KRT78: variants seen among roughly 807,000 people sequenced by gnomAD.
KRT78 encodes keratin, type II cytoskeletal 78.
KRT78 carries 55 observed loss-of-function variants against 51.4 expected under a neutral mutation model. That is an observed-to-expected ratio of 1.07 (90% CI 0.86 to 1.34). The LOEUF (loss-of-function observed/expected upper bound fraction) is 1.34, where lower values mean the gene tolerates loss of function less well. Among genes scored for constraint, KRT78 ranks in the 40% most tolerant of loss-of-function variants. The probability of loss-of-function intolerance (pLI) is 0.00; values close to 1 mark genes in which losing one functional copy is unlikely to be tolerated. For synonymous variants in KRT78, 291 were observed against 264.3 expected, an observed-to-expected ratio of 1.10 and a Z score of -0.98; for missense variants, 652 against 649.4, an observed-to-expected ratio of 1.00 and a Z score of -0.04.
chr12:52,838,600 G>C lies in KRT78; in HGVS notation c.*513C>G, dbSNP rs1940400041. 1 of 166,240 alleles carries C rather than the reference G, an allele frequency of 6.0e-6. No homozygotes were observed. Among genetic ancestry groups the C allele is most frequent in the Admixed American group, 5.6e-5 (1 of 17,962 alleles). 10.3% of individuals were successfully genotyped at this position (166,240 alleles called of 1,614,324 possible). On this transcript the variant is annotated 3_prime_UTR_variant, in exon 9 of 9. Coordinates refer to ENST00000304620, the MANE Select transcript of KRT78 (RefSeq NM_173352.4). Reference sequence around the variant, plus strand: ...GGAAGGGCCCAGTAGTTTAGACATGGGAATTAGAGAAGGTTCCTAAAAGGA... The same window carrying C: ...GGAAGGGCCCAGTAGTTTAGACATGCGAATTAGAGAAGGTTCCTAAAAGGA...
intron 7 of KRT78, 73 bp from the exon 8 acceptor site, chr12:52,839,560 C>A (rs1940432516): frequency 1.4e-6 from 2 of 1,449,214 alleles, no homozygotes; most frequent in African/African-American, 1.4e-5. Flanking sequence ...AGCTTTTAAG[C>A]CCCTCAAAGC....
At chr12:52,847,774 G>A (rs1188480639) in intron 2 of KRT78, 133 bp downstream of exon 2, 11 of 703,092 alleles carry the variant, frequency 1.6e-5, no homozygotes, top group South Asian at 7.1e-5. Flanking sequence ...GAATGGGGAC[G>A]CGGAGGGGTA....
intron 6 of KRT78, 103 bp from the exon 7 acceptor site, chr12:52,840,087 T>C: frequency 1.3e-6 from 1 of 766,838 alleles, no homozygotes; most frequent in Non-Finnish European, 2.1e-6. Flanking sequence ...CGGATCATAA[T>C]CTTATGAGCT....
chr12:52,846,949 C>T, intron 2 of KRT78, 125 bp from the exon 3 acceptor site: 2 of 688,770 alleles, frequency 2.9e-6, no homozygotes, highest in Non-Finnish European at 5.1e-6. Flanking sequence ...AAGACAATAA[C>T]CAGCCCTTCT....
Position 52,838,835 on chromosome 12 carries a change from G to A in KRT78, c.*278C>T. On this transcript the variant is annotated 3_prime_UTR_variant, in exon 9 of 9. Coordinates refer to ENST00000304620, the MANE Select transcript of KRT78 (RefSeq NM_173352.4). ...CCCTTGATAGAGTGGCTGGGATGTGGAGTGAGATACCAATAGAACACGTCT... is the reference window on the plus strand; with the variant it reads ...CCCTTGATAGAGTGGCTGGGATGTGAAGTGAGATACCAATAGAACACGTCT... The A allele has an allele frequency of 4.1e-6, 2 of 484,388 alleles. No individual in the cohort carries two copies. The highest frequency in any genetic ancestry group is 2.5e-5 in the South Asian group (1 of 40,096). 30.0% of individuals were successfully genotyped at this position (484,388 alleles called of 1,614,324 possible).
chr12:52,844,500 A>C (rs1321916598), intron 5 of KRT78, 59 bp downstream of exon 5: 38 of 1,562,954 alleles, frequency 2.4e-5, no homozygotes, highest in Non-Finnish European at 3.3e-5. Context: ...ACCACCCTAG[A>C]GTTTGGGCAT....
intron 6 of KRT78, among the ~76,000 whole-genome samples, chr12:52,842,985 G>T: frequency 1.1e-5 from 1 of 88,358 alleles, no homozygotes; most frequent in Non-Finnish European, 2.3e-5. Context: ...AAGGAAGGAA[G>T]GAAGGAAGGA....
chr12:52,839,466 G>T lies in KRT78; in HGVS notation c.1290C>A (p.Ser430Arg). 1 of 1,605,450 alleles carries T rather than the reference G, an allele frequency of 6.2e-7. No homozygotes were observed. The highest frequency in any genetic ancestry group is 1.7e-5 in the Admixed American group (1 of 58,692). ...CCTGATACTCACAGATAGTGACCTG[G>T]CTGGTGCACTCCCCAGACATCCTAG... is the stretch of plus-strand genomic sequence containing the variant. ...EECRMSGECT[S>R]QVTISSVGGS... Residue 430 changes from serine to arginine, a missense_variant, in exon 8 of 9, where the codon AGC (serine) becomes AGA (arginine). Ser to Arg is a moderately radical substitution (Grantham distance 110, BLOSUM62 -1). Coordinates refer to ENST00000304620, the MANE Select transcript of KRT78 (RefSeq NM_173352.4).
At chr12:52,841,429 G>T (rs958964299) in intron 6 of KRT78, among the ~76,000 whole-genome samples, 4 of 151,528 alleles carry the variant, frequency 2.6e-5, no homozygotes, top group African/African-American at 9.7e-5. Flanking sequence ...GGAGGTTGCA[G>T]TGAGCCGAGA....
In KRT78 at chr12:52,838,047, CCTT is replaced by C. The variant is rs1442193033; in HGVS notation, c.*1063_*1065del. ...GTCTCCTTCACACAAAGCTGAAAAG[CCTT>C]CTTGCATAATTTGGATGGAGCGATT... On this transcript the variant is annotated 3_prime_UTR_variant, in exon 9 of 9. Transcript: ENST00000304620. 2 of 152,206 alleles carry C rather than the reference CCTT, an allele frequency of 1.3e-5. No homozygotes were observed. The highest frequency in any genetic ancestry group is 2.9e-5 in the Non-Finnish European group (2 of 68,052). The allele number at this position is 152,206 out of a possible 1,614,324, so 9.4% of individuals were successfully genotyped here. A position where few individuals can be genotyped will look rare whatever the true frequency, so the allele number is the denominator to read the frequency against.
At position 52,848,015 on chromosome 12, in the gene KRT78, G is replaced by A. The variant is rs74088124; in HGVS notation, c.491C>T (p.Ala164Val). ...SQQGLEPVFE[A>V]CLDQLRKQLE... ...CTGCTTCCTGAGCTGATCCAGGCAG[G>A]CCTCAAAGACAGGCTCCAGGCCCTG... Residue 164 changes from alanine to valine, a missense_variant, in exon 2 of 9, where the codon GCC (alanine) becomes GTC (valine). Transcript: ENST00000304620. 179 of 1,614,128 alleles carry A rather than the reference G, an allele frequency of 1.1e-4. No homozygotes were observed. In the African/African-American group the frequency reaches 1.9e-3, roughly 17 times the overall value.
rs1449160280 is a variant in KRT78 at position 52,839,909 on chromosome 12, C to A, written c.1123G>T (p.Val375Leu). Reference protein sequence around the residue: ...ELALKDAQAKVDELEAALRMA... With the variant: ...ELALKDAQAKLDELEAALRMA... ...CTCAGAGCAGCCTCCAGCTCGTCCA[C>A]CTTGGCCTGAGCGTCCTTGAGGGCC... The change falls in exon 7 of 9, where the codon GTG becomes TTG. Residue 375 changes from valine (V) to leucine (L), a missense_variant. Transcript: ENST00000304620. 6.2e-7 allele frequency: 1 copy of A among 1,614,128 alleles called. No individual in the cohort carries two copies. The highest frequency in any genetic ancestry group is 2.2e-5 in the East Asian group (1 of 44,856).
At chr12:52,846,430 C>T (rs1218904049) in intron 3 of KRT78, 138 bp from the exon 4 acceptor site, 25 of 693,768 alleles carry the variant, frequency 3.6e-5, no homozygotes, top group Non-Finnish European at 3.1e-5. Context: ...TCCTCCAGCC[C>T]CACTCTGTCC....
chr12:52,839,233 G>T lies in KRT78; in HGVS notation c.1443C>A (p.Gly481=). 1.9e-6 allele frequency: 3 copies of T among 1,611,738 alleles called. No individual in the cohort carries two copies. Among genetic ancestry groups the T allele is most frequent in the Non-Finnish European group, 2.5e-6 (3 of 1,179,120 alleles). The change falls in exon 9 of 9, where the codon GGC becomes GGA. Residue 481 remains glycine (G), a synonymous_variant. Coordinates refer to ENST00000304620, the MANE Select transcript of KRT78 (RefSeq NM_173352.4). ...AATCCAAAACAGGGTCCTTCCCAGA[G>T]CCCAGAATGATGTTGGAGCCTCCAG... is the stretch of plus-strand genomic sequence containing the variant. ...IVTGGSNIIL[G]SGKDPVLDSC... is the part of the protein sequence containing the mutation.
intron 2 of KRT78, 113 bp downstream of exon 2, chr12:52,847,794 C>T: frequency 1.2e-6 from 1 of 862,386 alleles, no homozygotes; most frequent in South Asian, 1.6e-5. Flanking sequence ...AGAGGGGAGG[C>T]CAGTCATGTG....
At chr12:52,847,776 G>A (rs1002624009) in intron 2 of KRT78, 131 bp downstream of exon 2, 64 of 720,222 alleles carry the variant, frequency 8.9e-5, no homozygotes, top group African/African-American at 3.9e-4. Flanking sequence ...ATGGGGACGC[G>A]GAGGGGTAGA....
chr12:52,840,110 T>C, intron 6 of KRT78, 126 bp from the exon 7 acceptor site: 1 of 666,546 alleles, frequency 1.5e-6, no homozygotes, highest in East Asian at 2.7e-5. Flanking sequence ...AAATTATCCA[T>C]GGCCGTCTGT....
At chr12:52,845,363 C>T (rs1162450415) in intron 4 of KRT78, among the ~76,000 whole-genome samples, 1 of 152,120 alleles carries the variant, frequency 6.6e-6, no homozygotes, top group Non-Finnish European at 1.5e-5. Flanking sequence ...CTGGCCACAC[C>T]GACCTTCCTG....
chr12:52,840,212 T>A (rs868668476), intron 6 of KRT78, among the ~76,000 whole-genome samples: 1 of 152,154 alleles, frequency 6.6e-6, no homozygotes, highest in Middle Eastern at 3.4e-3. Flanking sequence ...TTGAAGAGTA[T>A]CCCCCAAAAC....
Sources: allele counts gnomAD v4.1 joint callset (sites outside exome capture counted in the v4.1 genomes callset), GRCh38; gene constraint gnomAD v4.1.1; transcripts MANE v1.5; gene names NCBI Gene and HGNC (gene_info 2026-07-23, HGNC 2026-07-21).